MFSD12: variants seen among roughly 807,000 people sequenced by gnomAD.
MFSD12 encodes major facilitator superfamily domain-containing protein 12.
In MFSD12, 67 loss-of-function variants were observed where a neutral mutation model predicts 51.2. The ratio of observed to expected loss-of-function variants is 1.31; its 90% CI spans 1.08 to 1.60. The LOEUF (loss-of-function observed/expected upper bound fraction) is 1.60, where lower values mean the gene tolerates loss of function less well. Among genes scored for constraint, MFSD12 ranks in the 40% most tolerant of loss-of-function variants. The pLI is 0.00. For synonymous variants in MFSD12, 441 were observed against 316.7 expected, an observed-to-expected ratio of 1.39 and a Z score of -4.17; for missense variants, 921 against 673.0, an observed-to-expected ratio of 1.37 and a Z score of -4.08.
At chr19:3,542,887 G>A, downstream of MFSD12, 1 of 1,405,140 alleles carries the variant, frequency 7.1e-7, no homozygotes, top group Non-Finnish European at 9.6e-7. Flanking sequence ...GAAGGGACTT[G>A]TGGGTCTTGG....
intron 7 of MFSD12, 23 bp downstream of exon 7, chr19:3,546,232 C>T: frequency 6.2e-7 from 1 of 1,606,912 alleles, no homozygotes; most frequent in Non-Finnish European, 8.5e-7. Context: ...CCTCCCCCAC[C>T]CCAGCCTGGC....
At position 3,553,899 on chromosome 19, in the gene MFSD12, T is replaced by C. The variant is rs564551243; in HGVS notation, c.299-2705A>G. ...GAGTTCGAGACCAGCCTGACCAACA[T>C]GGTGAAACCCTGTCTCTACTAAAAA... On this transcript the variant is annotated intron_variant, in intron 1 of 9. Coordinates refer to ENST00000355415, the MANE Select transcript of MFSD12 (RefSeq NM_174983.5). Among the ~76,000 whole-genome samples, 5 of 151,188 alleles carry C rather than the reference T, an allele frequency of 3.3e-5. No individual in the cohort carries two copies. In the South Asian group the frequency reaches 8.4e-4, roughly 25 times the overall value.
chr19:3,554,908 C>T (rs901913867), intron 1 of MFSD12, among the ~76,000 whole-genome samples: 1 of 152,196 alleles, frequency 6.6e-6, no homozygotes, highest in Non-Finnish European at 1.5e-5. Flanking sequence ...GGCTTCTGCT[C>T]CCAACAGACC....
chr19:3,545,811 G>C (rs775011069), intron 8 of MFSD12, among the ~76,000 whole-genome samples: 17 of 152,188 alleles, frequency 1.1e-4, no homozygotes, highest in Non-Finnish European at 2.1e-4. Flanking sequence ...CGGACTCGGG[G>C]CTCCCTTCCA....
Position 3,544,916 on chromosome 19 carries a change from C to A in MFSD12, c.1313G>T (p.Cys438Phe), listed in dbSNP as rs1327586402. 1 of 1,610,350 alleles carries A rather than the reference C, an allele frequency of 6.2e-7. No individual in the cohort carries two copies. Residue 438 changes from cysteine (C) to phenylalanine (F), a missense_variant, in exon 9 of 10, where the codon TGC (cysteine) becomes TTC (phenylalanine). Coordinates refer to ENST00000355415, the MANE Select transcript of MFSD12 (RefSeq NM_174983.5). Reference protein sequence around the residue: ...PCPSELCCRACVSFYHWAMVA... With the variant: ...PCPSELCCRAFVSFYHWAMVA... ...CATCGCCCAGTGGTAAAAGCTCACGCAGGCCCTGCAGCAGAGCTCTGAGCT... is the reference window on the plus strand; with the variant it reads ...CATCGCCCAGTGGTAAAAGCTCACGAAGGCCCTGCAGCAGAGCTCTGAGCT...
chr19:3,543,500 C>T (rs1213869888), downstream of MFSD12: 7 of 1,207,258 alleles, frequency 5.8e-6, no homozygotes, highest in Non-Finnish European at 5.6e-6. Context: ...CCGCCCTGGG[C>T]AGCGGGCCTG....
downstream of MFSD12, chr19:3,541,798 A>C (rs964002248): frequency 2.0e-6 from 2 of 984,762 alleles, no homozygotes; most frequent in South Asian, 9.4e-5. Flanking sequence ...TTCTCATTGA[A>C]TATTATTCTG....
At chr19:3,546,481 GCTT>G (rs1296789851) in intron 6 of MFSD12, 56 bp from the exon 7 acceptor site, 2 of 1,530,402 alleles carry the variant, frequency 1.3e-6, no homozygotes, top group Admixed American at 2.0e-5. Flanking sequence ...CAAGCCTGGC[GCTT>G]CAATCCGCCA....
chr19:3,542,500 G>C, downstream of MFSD12: 3 of 978,106 alleles, frequency 3.1e-6, no homozygotes, highest in Non-Finnish European at 3.6e-6. Context: ...TTGAGACAGA[G>C]TCTCACTCTG....
At position 3,550,160 on chromosome 19, in the gene MFSD12, T is replaced by A. The variant is rs369412855; in HGVS notation, c.509+824A>T. Among the ~76,000 whole-genome samples the A allele has an allele frequency of 9.6e-4, 146 of 152,236 alleles. 1 individual carries two copies. The highest frequency in any genetic ancestry group is 3.3e-3 in the African/African-American group (138 of 41,564). On this transcript the variant is annotated intron_variant, in intron 2 of 9. Coordinates refer to ENST00000355415, the MANE Select transcript of MFSD12 (RefSeq NM_174983.5). ...TAAGACGCTAGCCCTGGGCAACCCC[T>A]TGAATGCAGGCTCAAGACAGACCCT... is the stretch of plus-strand genomic sequence containing the variant.
At chr19:3,543,976 G>T (rs201115234), downstream of MFSD12, 16 of 1,548,622 alleles carry the variant, frequency 1.0e-5, no homozygotes, top group African/African-American at 2.7e-5. Flanking sequence ...ACCTGCCAGC[G>T]GTCCCCGCCT....
chr19:3,547,254 C>G lies in MFSD12; in HGVS notation c.1023+18G>C. 1 of 1,606,830 alleles carries G rather than the reference C, an allele frequency of 6.2e-7. No homozygotes were observed. The highest frequency in any genetic ancestry group is 8.5e-7 in the Non-Finnish European group (1 of 1,174,376). ...CCCCATCCTCCGCCCCAGCTGTCCCCGGTCCCCGCCCACTCACGTTCCTCC... is the reference window on the plus strand; with the variant it reads ...CCCCATCCTCCGCCCCAGCTGTCCCGGGTCCCCGCCCACTCACGTTCCTCC... On this transcript the variant is annotated intron_variant, in intron 6 of 9. Coordinates refer to ENST00000355415, the MANE Select transcript of MFSD12 (RefSeq NM_174983.5).
rs966960599 is a variant in MFSD12 at position 3,544,427 on chromosome 19, C to T, written c.*283G>A. The stretch of plus-strand genomic sequence containing the variant: ...GTTCCCCCAGACCCTTCTGGGATTC[C>T]TACTTCCTGTTCCCTGCCGAGAGGG... On this transcript the variant is annotated 3_prime_UTR_variant, in exon 10 of 10. Transcript: ENST00000355415. The T allele has an allele frequency of 2.0e-5, 27 of 1,329,510 alleles. No individual in the cohort carries two copies. Among genetic ancestry groups the T allele is most frequent in the South Asian group, 1.1e-4 (5 of 44,212 alleles). The allele number at this position is 1,329,510 out of a possible 1,614,324, so 82.4% of individuals were successfully genotyped here. A position where few individuals can be genotyped will look rare whatever the true frequency, so the allele number is the denominator to read the frequency against.
chr19:3,541,061 C>A (rs1458539891), downstream of MFSD12, among the ~76,000 whole-genome samples: 1 of 140,000 alleles, frequency 7.1e-6, no homozygotes, highest in East Asian at 2.2e-4. Flanking sequence ...CCCAGCTACT[C>A]GGGAGGCTGA....
chr19:3,548,004 G>C lies in MFSD12; in HGVS notation c.681C>G (p.Val227=), dbSNP rs202086050. The stretch of plus-strand genomic sequence containing the variant: ...GGAATAGCAGTGAGAACACGGCGCC[G>C]ACACCCACCACCAGCAGGGACAGGT... ...FRNLSLLVVG[V]GAVFSLLFHL... The change falls in exon 4 of 10, where the codon GTC becomes GTG. Residue 227 remains valine, a synonymous_variant. Coordinates refer to ENST00000355415, the MANE Select transcript of MFSD12 (RefSeq NM_174983.5). 3 of 1,598,980 alleles carry C rather than the reference G, an allele frequency of 1.9e-6. No homozygotes were observed. The Admixed American group carries it at 5.1e-5, about 27-fold the overall frequency.
rs187857504 is a variant in MFSD12, at chr19:3,546,444, G to T, written c.1024-19C>A. 4.4e-6 allele frequency: 7 copies of T among 1,592,878 alleles called. No individual in the cohort carries two copies. In the African/African-American group the frequency reaches 8.0e-5, roughly 18 times the overall value. ...AGGTCATCTGCAGGGACAGCCCCGG[G>T]GTCAGGCCCACACCACTGGGTGCCC... On this transcript the variant is annotated intron_variant, in intron 6 of 9. Coordinates refer to ENST00000355415, the MANE Select transcript of MFSD12 (RefSeq NM_174983.5).
chr19:3,540,475 C>T (rs563029217), downstream of MFSD12, among the ~76,000 whole-genome samples: 2 of 149,728 alleles, frequency 1.3e-5, no homozygotes, highest in Non-Finnish European at 3.0e-5. Context: ...CCAGGATGGT[C>T]TCGATCTCCT....
In MFSD12 at chr19:3,544,322, C is replaced by A. The variant is rs376313620; in HGVS notation, c.*388G>T. The A allele has an allele frequency of 7.1e-6, 9 of 1,269,906 alleles. No individual in the cohort carries two copies. In the African/African-American group the frequency reaches 1.1e-4, roughly 15 times the overall value. The allele number at this position is 1,269,906 out of a possible 1,614,324, so 78.7% of individuals were successfully genotyped here. ...GTGGCTGTCTCCTCCAGGCTCCAGC[C>A]GTCCTGAGGGGGCCCTGGCAGTGTC... On this transcript the variant is annotated 3_prime_UTR_variant, in exon 10 of 10. Coordinates refer to ENST00000355415, the MANE Select transcript of MFSD12 (RefSeq NM_174983.5).
downstream of MFSD12, chr19:3,543,383 A>C: frequency 6.5e-7 from 1 of 1,549,324 alleles, no homozygotes; most frequent in Non-Finnish European, 8.7e-7. Flanking sequence ...AGCCTGGTAC[A>C]ACCTGCCACG....
Sources: allele counts gnomAD v4.1 joint callset (sites outside exome capture counted in the v4.1 genomes callset), GRCh38; gene constraint gnomAD v4.1.1; transcripts MANE v1.5; gene names NCBI Gene and HGNC (gene_info 2026-07-23, HGNC 2026-07-21).